The following MRPL1 variants were observed in gnomAD, a reference collection of about 807,000 sequenced individuals.
The protein encoded by MRPL1 is mitochondrial ribosomal protein L1.
In MRPL1, 28 loss-of-function variants were observed where a neutral mutation model predicts 38.0. The ratio of observed to expected loss-of-function variants is 0.74; its 90% CI spans 0.55 to 1.01. MRPL1 has a LOEUF of 1.01. MRPL1 is among the 50% of genes least tolerant of loss of function. The pLI, the probability that MRPL1 is intolerant of heterozygous loss-of-function variation, is 0.00. For missense variants in MRPL1, 358 were observed against 389.8 expected (o/e 0.92, Z 0.69); for synonymous variants, 123 against 126.7 (o/e 0.97, Z 0.20).
intron 1 of MRPL1, among the ~76,000 whole-genome samples, chr4:77,868,806 T>C (rs1735213096): frequency 6.6e-6 from 1 of 152,092 alleles, no homozygotes; most frequent in Non-Finnish European, 1.5e-5. Context: ...ATGAGTGTAT[T>C]TGTAGCATGG....
At chr4:77,910,497 A>G (rs1736262252) in intron 7 of MRPL1, among the ~76,000 whole-genome samples, 1 of 152,124 alleles carries the variant, frequency 6.6e-6, no homozygotes, top group African/African-American at 2.4e-5. Context: ...AAATTAGTTG[A>G]GTGTGGTGGC....
At chr4:77,881,017 T>C (rs1014560564) in intron 2 of MRPL1, among the ~76,000 whole-genome samples, 3 of 152,230 alleles carry the variant, frequency 2.0e-5, no homozygotes, top group Non-Finnish European at 2.9e-5. Flanking sequence ...CATGTTCTTC[T>C]AATGAAAAGG....
At chr4:77,905,104 G>A (rs1385506652) in intron 6 of MRPL1, among the ~76,000 whole-genome samples, 6 of 152,130 alleles carry the variant, frequency 3.9e-5, no homozygotes, top group Admixed American at 3.9e-4. Context: ...CTCTGAACAA[G>A]AACCTGTATC....
Position 77,899,224 on chromosome 4 carries a change from C to G in MRPL1, c.670+4974C>G, listed in dbSNP as rs541770936. Among the ~76,000 whole-genome samples, 11 of 145,622 alleles carry G rather than the reference C, an allele frequency of 7.6e-5. No homozygotes were observed. The East Asian group carries it at 2.2e-3, about 29-fold the overall frequency. ...GTTTTGCCATGTTGGCCAGGCTGGT[C>G]TTGAACTCATGAGCTCAAGTGATCT... On this transcript the variant is annotated intron_variant, in intron 6 of 8. Transcript: ENST00000315567.
intron 2 of MRPL1, among the ~76,000 whole-genome samples, chr4:77,878,482 A>G (rs1165512963): frequency 6.6e-6 from 1 of 152,056 alleles, no homozygotes. Context: ...TAATGTCCCA[A>G]TGTAAAGGAT....
rs1214254199 is a variant in MRPL1 at position 77,952,626 on chromosome 4, T to A, written c.*19T>A. On this transcript the variant is annotated 3_prime_UTR_variant, in exon 9 of 9. Transcript: ENST00000315567. ...TGCCTAAATGTGGTGAATTGTGAAA[T>A]TACTTTCAGTGGTTTAAGAAGCAAT... 1 of 1,474,320 alleles carries A rather than the reference T, an allele frequency of 6.8e-7. No individual in the cohort carries two copies. Among genetic ancestry groups the A allele is most frequent in the African/African-American group, 1.4e-5 (1 of 71,662 alleles). 91.3% of individuals were successfully genotyped at this position (1,474,320 alleles called of 1,614,324 possible). A position where few individuals can be genotyped will look rare whatever the true frequency, so the allele number is the denominator to read the frequency against.
intron 2 of MRPL1, 27 bp from the exon 3 acceptor site, chr4:77,883,215 T>C (rs368994557): frequency 8.4e-6 from 12 of 1,434,580 alleles, no homozygotes; most frequent in Non-Finnish European, 8.4e-6. Flanking sequence ...TATATATTGA[T>C]ATAACTCAAC....
At chr4:77,891,035 G>C (rs894144008) in intron 5 of MRPL1, among the ~76,000 whole-genome samples, 1 of 152,114 alleles carries the variant, frequency 6.6e-6, no homozygotes, top group Admixed American at 6.5e-5. Flanking sequence ...TTTAAATAAA[G>C]AGGGTCTTCA....
intron 5 of MRPL1, among the ~76,000 whole-genome samples, chr4:77,888,422 T>A (rs1735731639): frequency 6.6e-6 from 1 of 152,098 alleles, no homozygotes; most frequent in African/African-American, 2.4e-5. Context: ...CAAGAATCTC[T>A]TGAACCCAGG....
chr4:77,912,009 G>T (rs896911674), intron 7 of MRPL1, among the ~76,000 whole-genome samples: 2 of 152,160 alleles, frequency 1.3e-5, no homozygotes, highest in African/African-American at 4.8e-5. Context: ...CATTGCAGTG[G>T]ATGCAGAGAA....
chr4:77,897,028 A>T (rs2110241955), intron 6 of MRPL1, among the ~76,000 whole-genome samples: 1 of 152,214 alleles, frequency 6.6e-6, no homozygotes. Flanking sequence ...AATCCTATTT[A>T]TAAATTAGCA....
At chr4:77,897,797 A>G (rs1176061667) in intron 6 of MRPL1, among the ~76,000 whole-genome samples, 2 of 152,322 alleles carry the variant, frequency 1.3e-5, no homozygotes, top group East Asian at 1.9e-4. Context: ...TTTTGGTTAT[A>G]TAAGGGAAAA....
At chr4:77,913,726 T>C (rs1273683022) in intron 7 of MRPL1, among the ~76,000 whole-genome samples, 1 of 152,182 alleles carries the variant, frequency 6.6e-6, no homozygotes, top group Non-Finnish European at 1.5e-5. Context: ...AGCCCCAAAC[T>C]GGAAAATTTC....
rs1370238754 is a variant in MRPL1 at position 77,938,356 on chromosome 4, T to C, written c.778-11441T>C. On this transcript the variant is annotated intron_variant, in intron 7 of 8. Transcript: ENST00000315567. ...AAACATAGATCAGATATACCATTTA[T>C]CTGCTTAGAAACATCAAATGGCTTT... Among the ~76,000 whole-genome samples, 7 of 152,324 alleles carry C rather than the reference T, an allele frequency of 4.6e-5. No homozygotes were observed. In the South Asian group the frequency reaches 8.3e-4, roughly 18 times the overall value.
chr4:77,892,996 G>T (rs374424227), intron 5 of MRPL1, among the ~76,000 whole-genome samples: 17 of 152,170 alleles, frequency 1.1e-4, no homozygotes, highest in African/African-American at 3.4e-4. Flanking sequence ...GTTATTTAAG[G>T]ACTAAAAATT....
intron 1 of MRPL1, among the ~76,000 whole-genome samples, chr4:77,865,153 G>T (rs1426791054): frequency 1.3e-5 from 2 of 151,758 alleles, no homozygotes; most frequent in East Asian, 3.9e-4. Flanking sequence ...GCCTCCCAAA[G>T]TGCTGGGATT....
At chr4:77,904,123 T>C (rs1736100643) in intron 6 of MRPL1, among the ~76,000 whole-genome samples, 1 of 151,470 alleles carries the variant, frequency 6.6e-6, no homozygotes, top group Non-Finnish European at 1.5e-5. Context: ...GGCATGTGCC[T>C]GGAGTCCCAG....
chr4:77,886,672 G>T (rs1474333948), intron 4 of MRPL1, among the ~76,000 whole-genome samples: 2 of 151,816 alleles, frequency 1.3e-5, no homozygotes, highest in East Asian at 3.9e-4. Flanking sequence ...AGAGATCGGG[G>T]ATCTCACTTT....
At chr4:77,925,066 T>G (rs551887580) in intron 7 of MRPL1, among the ~76,000 whole-genome samples, 10 of 152,302 alleles carry the variant, frequency 6.6e-5, no homozygotes, top group African/African-American at 2.2e-4. Flanking sequence ...TCACATTTGC[T>G]TACAAAAACT....
Sources: gnomAD v4.1 joint callset for allele counts (sites outside exome capture counted in the v4.1 genomes callset) on GRCh38, gnomAD v4.1.1 for gene constraint, MANE v1.5 for transcripts, NCBI Gene and HGNC (gene_info 2026-07-23, HGNC 2026-07-21) for gene names.